The following AGBL4 variants were observed in gnomAD, a reference collection of about 807,000 sequenced individuals.
The protein encoded by AGBL4 is AGBL carboxypeptidase 4.
A neutral mutation model predicts 66.4 loss-of-function variants in AGBL4; 58 were observed. That is an observed-to-expected ratio of 0.87 (90% CI 0.71 to 1.09). The LOEUF (loss-of-function observed/expected upper bound fraction) is 1.09, where lower values mean the gene tolerates loss of function less well. Among genes scored for constraint, AGBL4 ranks in the 50% least tolerant of loss-of-function variants. The pLI is 0.00. For synonymous variants in AGBL4, 234 were observed against 222.9 expected, an observed-to-expected ratio of 1.05 and a Z score of -0.44; for missense variants, 579 against 631.0, an observed-to-expected ratio of 0.92 and a Z score of 0.88.
chr1:49,921,753 A>G (rs1303332340), intron 1 of AGBL4, among the ~76,000 whole-genome samples: 1 of 152,220 alleles, frequency 6.6e-6, no homozygotes, highest in African/African-American at 2.4e-5. Context: ...AGCATGGGAA[A>G]AAGATGAAAG....
intron 1 of AGBL4, among the ~76,000 whole-genome samples, chr1:50,005,563 A>G (rs897885348): frequency 6.6e-6 from 1 of 152,332 alleles, no homozygotes; most frequent in Non-Finnish European, 1.5e-5. Flanking sequence ...TGCAAAGACT[A>G]CAATAAATAC....
intron 3 of AGBL4, among the ~76,000 whole-genome samples, chr1:49,256,650 T>C (rs1197769246): frequency 2.6e-5 from 4 of 152,232 alleles, no homozygotes; most frequent in African/African-American, 9.6e-5. Flanking sequence ...TTTATGCATG[T>C]AAAAGTTGAT....
chr1:49,846,164 A>G, intron 2 of AGBL4: 1 of 1,455,870 alleles, frequency 6.9e-7, no homozygotes, highest in Non-Finnish European at 9.6e-7. Context: ...CTATGGGTTC[A>G]ATAAGTGTGG....
chr1:49,297,321 A>G lies in AGBL4; in HGVS notation c.283-51457T>C, dbSNP rs189154133. Among the ~76,000 whole-genome samples, 141 of 152,342 alleles carry G rather than the reference A, an allele frequency of 9.3e-4. 1 individual carries two copies. The highest frequency in any genetic ancestry group is 2.7e-3 in the Admixed American group (41 of 15,298). ...AACAGATTGAGAGCAGGAAGCTAGG[A>G]GTGGTGAGAGGCCAGGAGGGAGGAG... On this transcript the variant is annotated intron_variant, in intron 3 of 13. Coordinates refer to ENST00000371839, the MANE Select transcript of AGBL4 (RefSeq NM_032785.4).
At chr1:48,745,122 C>T (rs1017077561) in intron 6 of AGBL4, among the ~76,000 whole-genome samples, 3 of 152,128 alleles carry the variant, frequency 2.0e-5, no homozygotes, top group Non-Finnish European at 2.9e-5. Flanking sequence ...CATCTTGGAG[C>T]GTAGGGAAGC....
chr1:49,054,659 C>A (rs1375473120), intron 4 of AGBL4, among the ~76,000 whole-genome samples: 1 of 151,812 alleles, frequency 6.6e-6, no homozygotes, highest in East Asian at 1.9e-4. Flanking sequence ...CCAAACAGAA[C>A]TATACAATTT....
At chr1:48,827,536 T>C (rs1056362526) in intron 6 of AGBL4, among the ~76,000 whole-genome samples, 4 of 152,328 alleles carry the variant, frequency 2.6e-5, no homozygotes, top group South Asian at 2.1e-4. Context: ...TATCGTTTTC[T>C]TGGCTCTCAG....
chr1:49,794,239 A>G lies in AGBL4; in HGVS notation c.157+57157T>C, dbSNP rs1417190028. On this transcript the variant is annotated intron_variant, in intron 2 of 13. Coordinates refer to ENST00000371839, the MANE Select transcript of AGBL4 (RefSeq NM_032785.4). ...ATATTGTCATTTTTTTTGCCGATACATAGAAAAAGCAATTTAATGTACAGA... is the reference window on the plus strand; with the variant it reads ...ATATTGTCATTTTTTTTGCCGATACGTAGAAAAAGCAATTTAATGTACAGA... 2.0e-5 allele frequency among the ~76,000 whole-genome samples: 3 copies of G among 151,960 alleles called. No homozygotes were observed. In the East Asian group the frequency reaches 5.8e-4, roughly 29 times the overall value.
intron 3 of AGBL4, among the ~76,000 whole-genome samples, chr1:49,586,531 C>G (rs878992451): frequency 1.3e-5 from 2 of 152,052 alleles, no homozygotes; most frequent in African/African-American, 4.8e-5. Context: ...AGATGTAGAA[C>G]TAAGGTTCAG....
At chr1:48,695,054 A>G (rs1257418416) in intron 6 of AGBL4, among the ~76,000 whole-genome samples, 1 of 152,220 alleles carries the variant, frequency 6.6e-6, no homozygotes, top group Non-Finnish European at 1.5e-5. Flanking sequence ...AAGATTCAAG[A>G]GCACGAGATT....
intron 3 of AGBL4, among the ~76,000 whole-genome samples, chr1:49,249,645 A>G (rs1326162363): frequency 6.6e-6 from 1 of 152,206 alleles, no homozygotes; most frequent in African/African-American, 2.4e-5. Flanking sequence ...TACAGGCATT[A>G]TGGAATACTG....
chr1:48,841,154 A>G (rs1288583101), intron 6 of AGBL4, among the ~76,000 whole-genome samples: 1 of 152,172 alleles, frequency 6.6e-6, no homozygotes, highest in African/African-American at 2.4e-5. Context: ...GGAGTCTTCT[A>G]GGGTGATGGC....
At chr1:49,849,594 A>G (rs1261512995) in intron 2 of AGBL4, among the ~76,000 whole-genome samples, 2 of 151,980 alleles carry the variant, frequency 1.3e-5, no homozygotes, top group African/African-American at 4.8e-5. Flanking sequence ...GATTTGAACC[A>G]CAGCCTGAAC....
chr1:48,978,234 TACTGTCTCTCATTC>T (rs1207120042), intron 5 of AGBL4, among the ~76,000 whole-genome samples: 1 of 152,226 alleles, frequency 6.6e-6, no homozygotes, highest in African/African-American at 2.4e-5. Flanking sequence ...GTTATTCACC[TACTGTCTCTCATTC>T]AAATCTACCC....
intron 2 of AGBL4, among the ~76,000 whole-genome samples, chr1:49,716,523 C>A (rs111586406): frequency 6.6e-5 from 10 of 151,572 alleles, no homozygotes; most frequent in African/African-American, 2.4e-4. Flanking sequence ...GATAACCAGG[C>A]GAAAATAAAA....
intron 3 of AGBL4, among the ~76,000 whole-genome samples, chr1:49,335,778 A>G (rs1404441636): frequency 1.3e-5 from 2 of 152,056 alleles, no homozygotes; most frequent in Non-Finnish European, 2.9e-5. Context: ...GCCCCCCAAA[A>G]TGCTGGGATT....
At chr1:49,096,115 A>C (rs1442218324) in intron 4 of AGBL4, among the ~76,000 whole-genome samples, 1 of 151,918 alleles carries the variant, frequency 6.6e-6, no homozygotes. Flanking sequence ...CCATCAGAGA[A>C]ATGCAAATCA....
chr1:49,844,810 G>A, intron 2 of AGBL4: 1 of 1,550,954 alleles, frequency 6.4e-7, no homozygotes, highest in Non-Finnish European at 8.9e-7. Flanking sequence ...GTACTGCAGG[G>A]GTGAAGACAC....
the AGBL4 span, among the ~76,000 whole-genome samples, chr1:48,526,503 G>GT: frequency 2.0e-5 from 3 of 152,310 alleles, no homozygotes; most frequent in East Asian, 5.8e-4. Flanking sequence ...CAGAACAGCA[G>GT]TAACAGTAGC....
Sources: allele counts gnomAD v4.1 joint callset (sites outside exome capture counted in the v4.1 genomes callset), GRCh38; gene constraint gnomAD v4.1.1; transcripts MANE v1.5; gene names NCBI Gene and HGNC (gene_info 2026-07-23, HGNC 2026-07-21).